The following ZNF407 variants were observed in gnomAD, a reference collection of about 807,000 sequenced individuals.
ZNF407 encodes zinc finger protein 407.
A neutral mutation model predicts 131.2 loss-of-function variants in ZNF407; 17 were observed. That is an observed-to-expected ratio of 0.13 (90% CI 0.09 to 0.19). The LOEUF (loss-of-function observed/expected upper bound fraction) is 0.19. Among genes scored for constraint, ZNF407 ranks in the 10% least tolerant of loss-of-function variants. The probability of loss-of-function intolerance (pLI) is 1.00; values close to 1 mark genes in which losing one functional copy is unlikely to be tolerated. For synonymous variants in ZNF407, 1,156 were observed against 1,062.0 expected (o/e 1.09, Z -1.72); for missense variants, 2,681 against 2,830.6 (o/e 0.95, Z 1.20).
intron 8 of ZNF407, among the ~76,000 whole-genome samples, chr18:74,982,988 A>G (rs1472844123): frequency 6.6e-6 from 1 of 152,134 alleles, no homozygotes; most frequent in Non-Finnish European, 1.5e-5. Context: ...TCATCATTTA[A>G]TTTTCCTAAT....
intron 8 of ZNF407, among the ~76,000 whole-genome samples, chr18:75,040,365 G>A (rs1017940972): frequency 1.3e-5 from 2 of 152,090 alleles, no homozygotes; most frequent in African/African-American, 4.8e-5. Context: ...GAGTGGCTAC[G>A]GGTTGATTCC....
At chr18:74,890,234 A>G (rs1291010490) in intron 7 of ZNF407, among the ~76,000 whole-genome samples, 196 bp downstream of exon 7, 3 of 152,198 alleles carry the variant, frequency 2.0e-5, no homozygotes, top group African/African-American at 7.2e-5. Flanking sequence ...TAAAATTGAG[A>G]GGATGGTAGA....
At chr18:74,621,797 G>A (rs538543332) in intron 1 of ZNF407, among the ~76,000 whole-genome samples, 12 of 152,286 alleles carry the variant, frequency 7.9e-5, no homozygotes, top group African/African-American at 2.9e-4. Context: ...TTAAACCACC[G>A]AAGGCATTTT....
At chr18:74,796,327 A>G (rs1187337580) in intron 4 of ZNF407, among the ~76,000 whole-genome samples, 1 of 152,204 alleles carries the variant, frequency 6.6e-6, no homozygotes, top group Non-Finnish European at 1.5e-5. Context: ...CTCTTTGTGC[A>G]TGACTGATAG....
At chr18:74,626,649 T>C (rs1048948351) in intron 1 of ZNF407, among the ~76,000 whole-genome samples, 4 of 152,192 alleles carry the variant, frequency 2.6e-5, no homozygotes, top group Non-Finnish European at 5.9e-5. Context: ...ACAGCCCTAA[T>C]GTCTATCAGC....
chr18:74,855,583 GAATA>G (rs2145152395), intron 4 of ZNF407, among the ~76,000 whole-genome samples: 1 of 152,034 alleles, frequency 6.6e-6, no homozygotes, highest in Middle Eastern at 3.2e-3. Flanking sequence ...ATAACAATAT[GAATA>G]AAATGTTCTG....
At chr18:75,028,719 G>A (rs1340186755) in intron 8 of ZNF407, among the ~76,000 whole-genome samples, 1 of 152,136 alleles carries the variant, frequency 6.6e-6, no homozygotes, top group Non-Finnish European at 1.5e-5. Context: ...ACTCCTACAG[G>A]AACAATGCGA....
rs747340041 is a variant in ZNF407, at chr18:74,634,792, G to A, written c.3773G>A (p.Arg1258His). 1.2e-5 allele frequency: 19 copies of A among 1,614,022 alleles called. No homozygotes were observed. Among genetic ancestry groups the A allele is most frequent in the South Asian group, 3.3e-5 (3 of 91,090 alleles). Residue 1258 changes from arginine (R) to histidine (H), a missense_variant, in exon 2 of 9, where the codon CGC becomes CAC. Around this residue, in one of 6 missense-constraint regions of ZNF407, gnomAD observed 1,789 missense variants for 1,748.7 expected, o/e 1.02. Transcript: ENST00000299687. ...HLCPVTLDGE[R>H]SAESPVLVVT... ...TGCCCTGTGACGCTCGATGGGGAGC[G>A]CTCGGCTGAAAGCCCTGTGCTCGTT...
At chr18:74,639,430 A>G (rs984570538) in intron 2 of ZNF407, among the ~76,000 whole-genome samples, 1 of 152,184 alleles carries the variant, frequency 6.6e-6, no homozygotes, top group Non-Finnish European at 1.5e-5. Context: ...TTCTTCACAC[A>G]CCTTACAAAA....
At position 74,608,167 on chromosome 18, in the gene ZNF407, A is replaced by G. The variant is rs138196536; in HGVS notation, c.-54+10230A>G. Among the ~76,000 whole-genome samples the G allele has an allele frequency of 1.4e-3, 218 of 152,340 alleles. 1 individual carries two copies. The highest frequency in any genetic ancestry group is 2.6e-3 in the Non-Finnish European group (179 of 68,026). ...TTGGCCAGCATCTCCTGTTGTTCTC[A>G]TGTATCCATAATACAATCATTGAAA... On this transcript the variant is annotated intron_variant, in intron 1 of 8. Transcript: ENST00000299687.
At chr18:74,611,178 C>G (rs1983043856) in intron 1 of ZNF407, among the ~76,000 whole-genome samples, 1 of 152,120 alleles carries the variant, frequency 6.6e-6, no homozygotes, top group South Asian at 2.1e-4. Flanking sequence ...AACTATGAAA[C>G]TTTCAGAAGG....
intron 7 of ZNF407, among the ~76,000 whole-genome samples, chr18:74,896,934 C>G (rs1971461379): frequency 6.6e-6 from 1 of 152,098 alleles, no homozygotes; most frequent in Admixed American, 6.5e-5. Flanking sequence ...GTTTTCTCTG[C>G]CCATTTCATT....
chr18:74,952,966 G>T (rs1043669019), intron 8 of ZNF407, among the ~76,000 whole-genome samples: 2 of 152,174 alleles, frequency 1.3e-5, no homozygotes, highest in Non-Finnish European at 2.9e-5. Flanking sequence ...ATGGAATATG[G>T]TCATTTGGGC....
At position 75,063,046 on chromosome 18, in the gene ZNF407, C is replaced by T. The variant is rs1314283753; in HGVS notation, c.5429-104C>T. On this transcript the variant is annotated intron_variant, in intron 8 of 8. Transcript: ENST00000299687. This position sits in a 1 kb window ranked among gnomAD's most constrained non-coding sequence, Gnocchi z 6.6. Reference sequence around the variant, plus strand: ...CTCTTCAGGGTTTGGAATAGGGGGTCGTGGTGACTCTGCTGAGGCCTGAGC... The same window carrying T: ...CTCTTCAGGGTTTGGAATAGGGGGTTGTGGTGACTCTGCTGAGGCCTGAGC... The T allele has an allele frequency of 1.0e-5, 11 of 1,057,544 alleles. No homozygotes were observed. The highest frequency in any genetic ancestry group is 4.8e-5 in the East Asian group (2 of 41,304). 65.5% of individuals were successfully genotyped at this position (1,057,544 alleles called of 1,614,324 possible). A position where few individuals can be genotyped will look rare whatever the true frequency, so the allele number is the denominator to read the frequency against.
At chr18:74,945,879 G>C (rs536513111) in intron 8 of ZNF407, among the ~76,000 whole-genome samples, 9 of 152,168 alleles carry the variant, frequency 5.9e-5, no homozygotes, top group African/African-American at 2.2e-4. Context: ...CCTGGTTTTT[G>C]CAGTGTCATA....
chr18:74,716,796 C>T (rs1220057810), intron 3 of ZNF407, among the ~76,000 whole-genome samples: 1 of 152,116 alleles, frequency 6.6e-6, no homozygotes, highest in African/African-American at 2.4e-5. Context: ...GTAGTTCAGC[C>T]TACTTATGTT....
At chr18:74,947,334 G>C (rs933238965) in intron 8 of ZNF407, among the ~76,000 whole-genome samples, 14 of 152,100 alleles carry the variant, frequency 9.2e-5, no homozygotes, top group Admixed American at 2.6e-4. Context: ...TATGAAGTAA[G>C]AGGGCCCAAG....
At chr18:74,865,568 G>A (rs1970999071) in intron 4 of ZNF407, among the ~76,000 whole-genome samples, 1 of 152,002 alleles carries the variant, frequency 6.6e-6, no homozygotes, top group Non-Finnish European at 1.5e-5. Flanking sequence ...TTAATATTTT[G>A]AATGCTGGAA....
intron 3 of ZNF407, among the ~76,000 whole-genome samples, chr18:74,668,720 A>C (rs1986026174): frequency 6.6e-6 from 1 of 152,120 alleles, no homozygotes; most frequent in Admixed American, 6.5e-5. Context: ...TGAATATTGG[A>C]TCTTTATACG....
Sources: allele counts gnomAD v4.1 joint callset (sites outside exome capture counted in the v4.1 genomes callset), GRCh38; gene constraint gnomAD v4.1.1; regional missense constraint gnomAD v4.1.1; non-coding constraint Gnocchi (gnomAD v3.1); transcripts MANE v1.5; gene names NCBI Gene and HGNC (gene_info 2026-07-23, HGNC 2026-07-21).